DMD: variants seen among roughly 807,000 people sequenced by gnomAD.
DMD encodes mutant dystrophin.
In DMD, 63 loss-of-function variants were observed where a neutral mutation model predicts 330.1. The observed-to-expected ratio is 0.19, with a 90% CI of 0.16 to 0.24. The LOEUF is 0.24. Ranked by LOEUF, DMD falls within the 10% of genes least tolerant of loss-of-function variation. The pLI is 1.00. For missense variants in DMD, 3,344 were observed against 2,684.1 expected (o/e 1.25, Z -5.43); for synonymous variants, 1,223 against 959.8 (o/e 1.27, Z -5.07).
chrX:33,128,384 G>A lies in DMD; in HGVS notation c.31+82898C>T, dbSNP rs72470539. ...ACCTGTTTCTTCCACTCCGGTTGCC[G>A]TGAATAGTGAGGTGTTCTCACAGAT... On this transcript the variant is annotated intron_variant, in intron 1 of 78. Coordinates refer to ENST00000357033, the MANE Select transcript of DMD (RefSeq NM_004006.3). The A allele has an allele frequency of 3.7e-4, 377 of 1,012,872 alleles. 7 individuals carry two copies. In the South Asian group the frequency reaches 0.012, roughly 31 times the overall value. 83.5% of individuals were successfully genotyped at this position (1,012,872 alleles called of 1,213,427 possible).
intron 45 of DMD, among the ~76,000 whole-genome samples, chrX:31,937,606 A>T (rs907013863): frequency 1.8e-5 from 2 of 111,913 alleles, no homozygotes; most frequent in African/African-American, 6.5e-5. Context: ...GAAATTTCAA[A>T]AGCCTCGATT....
intron 70 of DMD, 62 bp from the exon 71 acceptor site, chrX:31,178,032 A>T (rs1023640526): frequency 2.0e-5 from 23 of 1,123,146 alleles, no homozygotes; most frequent in Non-Finnish European, 2.7e-5. Context: ...AAAAAAATTT[A>T]CTGAAAGGTC....
chrX:32,128,962 T>C (rs1046375730), intron 44 of DMD, among the ~76,000 whole-genome samples: 1 of 111,261 alleles, frequency 9.0e-6, no homozygotes, highest in Non-Finnish European at 1.9e-5. Flanking sequence ...CAATGAAATA[T>C]CTAGCTTATC....
intron 1 of DMD, among the ~76,000 whole-genome samples, chrX:33,139,868 T>TAAAAAAAAAAAAAAAAAAAAAA (rs3990971): frequency 4.7e-5 from 3 of 64,379 alleles, no homozygotes; most frequent in African/African-American, 2.4e-4. Flanking sequence ...GCCCCATCGC[T>TAAAAAAAAAAAAAAAAAAAAAA]AAAAAAAAAA....
upstream of DMD, among the ~76,000 whole-genome samples, chrX:33,213,883 C>T (rs1243390881): frequency 9.0e-6 from 1 of 111,450 alleles, no homozygotes; most frequent in African/African-American, 3.3e-5. Context: ...CCTGTTTCAT[C>T]ACCACAGAGA....
At chrX:31,493,578 A>G (rs6631315) in intron 57 of DMD, among the ~76,000 whole-genome samples, 1 of 111,850 alleles carries the variant, frequency 8.9e-6, no homozygotes, top group African/African-American at 3.3e-5. Flanking sequence ...GCTGGCATCC[A>G]AACAGCAAGG....
intron 45 of DMD, among the ~76,000 whole-genome samples, chrX:31,961,431 A>G (rs1399865662): frequency 1.8e-5 from 2 of 112,193 alleles, no homozygotes; most frequent in Non-Finnish European, 3.8e-5. Flanking sequence ...GCCATCTACA[A>G]TATATCAGGC....
chrX:32,426,714 C>T (rs2098214396), intron 29 of DMD, among the ~76,000 whole-genome samples: 1 of 111,711 alleles, frequency 9.0e-6, no homozygotes. Context: ...AACCTAAATG[C>T]CCTCCATGGT....
intron 25 of DMD, among the ~76,000 whole-genome samples, chrX:32,458,838 T>C (rs746788051): frequency 1.8e-5 from 2 of 111,744 alleles, no homozygotes; most frequent in South Asian, 7.3e-4. Context: ...TTAATCAGGT[T>C]ATTTTTCAGT....
chrX:32,767,743 G>C (rs1377170498), intron 7 of DMD, among the ~76,000 whole-genome samples: 1 of 111,690 alleles, frequency 9.0e-6, no homozygotes, highest in Non-Finnish European at 1.9e-5. Flanking sequence ...CATTATGCAA[G>C]TATTTGATTC....
chrX:31,461,519 G>C (rs753345742), intron 59 of DMD, among the ~76,000 whole-genome samples: 2 of 111,547 alleles, frequency 1.8e-5, no homozygotes, highest in Admixed American at 1.9e-4. Context: ...TGAATGCCTA[G>C]ACATTTACAG....
intron 2 of DMD, among the ~76,000 whole-genome samples, chrX:32,952,091 T>G (rs2091283524): frequency 9.0e-6 from 1 of 110,786 alleles, no homozygotes; most frequent in African/African-American, 3.3e-5. Flanking sequence ...GGGCTATTTC[T>G]CAAACCATGT....
chrX:32,424,586 C>T (rs2148054542), intron 29 of DMD, among the ~76,000 whole-genome samples: 1 of 111,271 alleles, frequency 9.0e-6, no homozygotes, highest in East Asian at 2.8e-4. Flanking sequence ...TATGCAGTAA[C>T]TCATGCTTAG....
chrX:32,883,003 T>C (rs994006897), intron 2 of DMD, among the ~76,000 whole-genome samples: 4 of 112,368 alleles, frequency 3.6e-5, no homozygotes, highest in Non-Finnish European at 5.6e-5. Context: ...CAGGGCTTTC[T>C]GCAGTATGTC....
At chrX:32,018,033 G>A (rs753773765) in intron 44 of DMD, among the ~76,000 whole-genome samples, 13 of 110,612 alleles carry the variant, frequency 1.2e-4, no homozygotes, top group Admixed American at 2.9e-4. Context: ...CTGAGAATGC[G>A]CCCACGAACA....
intron 62 of DMD, among the ~76,000 whole-genome samples, chrX:31,293,239 GT>G (rs1184395405): frequency 1.0e-5 from 1 of 96,853 alleles, no homozygotes; most frequent in African/African-American, 3.9e-5. Flanking sequence ...GTGTGTGTGT[GT>G]GTGTGTAATC....
intron 7 of DMD, among the ~76,000 whole-genome samples, chrX:32,753,072 C>T (rs1347418593): frequency 9.0e-6 from 1 of 111,049 alleles, no homozygotes. Context: ...TCCATCCCCA[C>T]CTGTATTTTC....
At chrX:32,654,732 G>T (rs767715665) in intron 9 of DMD, among the ~76,000 whole-genome samples, 2 of 111,837 alleles carry the variant, frequency 1.8e-5, no homozygotes, top group African/African-American at 6.5e-5. Flanking sequence ...AATGGTACCA[G>T]CTCTTCCTTG....
chrX:33,063,167 AATT>A (rs764857480), intron 1 of DMD, among the ~76,000 whole-genome samples: 5 of 112,151 alleles, frequency 4.5e-5, no homozygotes, highest in East Asian at 2.8e-4. Flanking sequence ...AGTTTTAAAA[AATT>A]ATTATTACTG....
Sources: allele counts gnomAD v4.1 joint callset (sites outside exome capture counted in the v4.1 genomes callset), GRCh38; gene constraint gnomAD v4.1.1; transcripts MANE v1.5; gene names NCBI Gene and HGNC (gene_info 2026-07-23, HGNC 2026-07-21).